CD70: variants seen among roughly 807,000 people sequenced by gnomAD.
The protein encoded by CD70 is CD70 molecule.
A neutral mutation model predicts 9.0 loss-of-function variants in CD70; 6 were observed. That is an observed-to-expected ratio of 0.67 (90% CI 0.37 to 1.32). The LOEUF is 1.32. Ranked by LOEUF, CD70 falls within the 40% of genes most tolerant of loss-of-function variation. CD70 has a pLI of 0.02. For synonymous variants in CD70, 108 were observed against 112.3 expected (o/e 0.96, Z 0.24); for missense variants, 235 against 258.7 (o/e 0.91, Z 0.63).
intron 2 of CD70, among the ~76,000 whole-genome samples, chr19:6,588,479 CG>C (rs1453699874): frequency 1.3e-5 from 2 of 152,182 alleles, no homozygotes; most frequent in Non-Finnish European, 2.9e-5. Context: ...GAACAAAACA[CG>C]CAAGCGTGCA....
rs190563913 is a variant in CD70 at position 6,588,650 on chromosome 19, C to A, written c.196+1453G>T. Among the ~76,000 whole-genome samples the A allele has an allele frequency of 1.3e-3, 201 of 152,208 alleles. 1 individual carries two copies. Among genetic ancestry groups the A allele is most frequent in the Non-Finnish European group, 1.1e-3 (74 of 67,998 alleles). On this transcript the variant is annotated intron_variant, in intron 2 of 2. Coordinates refer to ENST00000245903, the MANE Select transcript of CD70 (RefSeq NM_001252.5). The stretch of plus-strand genomic sequence containing the variant: ...GCCACCCACTCAGATACCACCCCCC[C>A]ACCCGACCGCCGCGACTCCACTTTA...
At chr19:6,588,126 T>A (rs1916068919) in intron 2 of CD70, among the ~76,000 whole-genome samples, 1 of 152,140 alleles carries the variant, frequency 6.6e-6, no homozygotes, top group African/African-American at 2.4e-5. Context: ...GGCTATCTTG[T>A]TAGGAAGGAA....
In CD70 at chr19:6,590,880, G is replaced by A. The variant is rs1237513137; in HGVS notation, c.123C>T (p.Phe41=). 1 of 1,613,994 alleles carries A rather than the reference G, an allele frequency of 6.2e-7. No individual in the cohort carries two copies. The highest frequency in any genetic ancestry group is 8.5e-7 in the Non-Finnish European group (1 of 1,179,982). Residue 41 remains phenylalanine (F), a synonymous_variant, in exon 1 of 3, where the codon TTC becomes TTT. Transcript: ENST00000245903. The surrounding 1 kb of genome is among the most constrained non-coding windows in gnomAD (Gnocchi z 5.3). ...VICLVVCIQR[F]AQAQQQLPLE... Reference sequence around the variant, plus strand: ...GCGGCAGCTGCTGCTGAGCCTGTGCGAAGCGCTGGATGCACACCACGAGGC... The same window carrying A: ...GCGGCAGCTGCTGCTGAGCCTGTGCAAAGCGCTGGATGCACACCACGAGGC...
chr19:6,582,818 C>T (rs961716743), downstream of CD70, among the ~76,000 whole-genome samples: 1 of 152,116 alleles, frequency 6.6e-6, no homozygotes, highest in Non-Finnish European at 1.5e-5. Context: ...GTCAGGCAGT[C>T]CAATCTTAAA....
intron 2 of CD70, 43 bp from the exon 3 acceptor site, chr19:6,586,448 G>A (rs913027778): frequency 6.5e-7 from 1 of 1,545,766 alleles, no homozygotes; most frequent in Admixed American, 1.9e-5. Flanking sequence ...GGAGGTTTAG[G>A]GAAACTGAGG....
At chr19:6,584,571 G>A (rs1230665003), downstream of CD70, among the ~76,000 whole-genome samples, 2 of 11,466 alleles carry the variant, frequency 1.7e-4, no homozygotes, top group Middle Eastern at 9.4e-3. Context: ...GTTCCAAAAT[G>A]TATTTGAGGT....
chr19:6,584,939 T>C (rs1351901777), downstream of CD70, among the ~76,000 whole-genome samples: 4 of 151,902 alleles, frequency 2.6e-5, no homozygotes, highest in African/African-American at 4.8e-5. Flanking sequence ...TCTTTTATTA[T>C]TATTATTTAA....
downstream of CD70, among the ~76,000 whole-genome samples, chr19:6,581,937 C>T (rs916021176): frequency 6.6e-6 from 1 of 152,028 alleles, no homozygotes; most frequent in Non-Finnish European, 1.5e-5. Context: ...CAATGGGGTA[C>T]AGGCGTTGGA....
At chr19:6,586,736 A>G (rs1916025536) in intron 2 of CD70, among the ~76,000 whole-genome samples, 2 of 151,682 alleles carry the variant, frequency 1.3e-5, no homozygotes, top group Non-Finnish European at 1.5e-5. Context: ...GGAGGCTGAG[A>G]CTGCAGTGAG....
At chr19:6,588,784 G>A (rs1916084739) in intron 2 of CD70, among the ~76,000 whole-genome samples, 1 of 152,056 alleles carries the variant, frequency 6.6e-6, no homozygotes. Context: ...GCATTGCTCT[G>A]TTTTTCACAT....
chr19:6,583,553 C>CTT (rs72193958), downstream of CD70: 202 of 402,360 alleles, frequency 5.0e-4, no homozygotes, highest in Middle Eastern at 2.4e-3. Flanking sequence ...TAATTGTAGT[C>CTT]TTTTTTTTTT....
intron 2 of CD70, among the ~76,000 whole-genome samples, chr19:6,587,185 A>G (rs1916041831): frequency 7.2e-6 from 1 of 139,370 alleles, no homozygotes; most frequent in East Asian, 2.2e-4. Flanking sequence ...AGAGAGAGAG[A>G]TCATGAGGGA....
intron 2 of CD70, among the ~76,000 whole-genome samples, chr19:6,588,220 C>G (rs344586): frequency 0.76 from 115,546 of 152,116 alleles, 44,230 homozygotes; most frequent in South Asian, 0.81. Context: ...TCCCCTGTCA[C>G]ACACTTAGGC....
downstream of CD70, among the ~76,000 whole-genome samples, chr19:6,582,348 C>CTTTTTTTTTTT (rs59168141): frequency 7.4e-6 from 1 of 135,182 alleles, no homozygotes; most frequent in Non-Finnish European, 1.6e-5. Context: ...GCAGTCAAAT[C>CTTTTTTTTTTT]TTTTTTTTTT....
At chr19:6,583,120 C>A, downstream of CD70, 2 of 435,594 alleles carry the variant, frequency 4.6e-6, no homozygotes, top group Non-Finnish European at 8.2e-6. Context: ...TCTCACTTCC[C>A]CTTCTAGAAG....
intron 2 of CD70, among the ~76,000 whole-genome samples, chr19:6,589,104 C>CCT (rs111719084): frequency 0.013 from 1,945 of 150,720 alleles, 28 homozygotes; most frequent in African/African-American, 0.04. Flanking sequence ...CTCTCTCTCT[C>CCT]CTCTCTCTCT....
downstream of CD70, chr19:6,583,553 CTTTTTTTTTTTTT>C (rs72193958): frequency 0.034 from 13,338 of 390,464 alleles, 1 homozygote; most frequent in East Asian, 0.095. Flanking sequence ...TAATTGTAGT[CTTTTTTTTTTTTT>C]TTTTTTTTTT....
At chr19:6,586,698 G>A (rs1340006104) in intron 2 of CD70, among the ~76,000 whole-genome samples, 2 of 151,944 alleles carry the variant, frequency 1.3e-5, no homozygotes, top group Non-Finnish European at 2.9e-5. Flanking sequence ...CTCTTGGGAG[G>A]CTGAGGCTGG....
chr19:6,584,098 T>A (rs1347112104), downstream of CD70, among the ~76,000 whole-genome samples: 1 of 147,664 alleles, frequency 6.8e-6, no homozygotes, highest in African/African-American at 2.5e-5. Context: ...TGGCCTGTAG[T>A]CTTGATTTTT....
Sources: allele counts gnomAD v4.1 joint callset (sites outside exome capture counted in the v4.1 genomes callset), GRCh38; gene constraint gnomAD v4.1.1; non-coding constraint Gnocchi (gnomAD v3.1); transcripts MANE v1.5; gene names NCBI Gene and HGNC (gene_info 2026-07-23, HGNC 2026-07-21).